The following OSBPL10 variants were observed in gnomAD, a reference collection of about 807,000 sequenced individuals.
OSBPL10 encodes the protein oxysterol binding protein like 10.
In OSBPL10, 49 loss-of-function variants were observed where a neutral mutation model predicts 81.7. The ratio of observed to expected loss-of-function variants is 0.60; its 90% CI spans 0.48 to 0.76. OSBPL10 has a LOEUF of 0.76. Among genes scored for constraint, OSBPL10 ranks in the 30% least tolerant of loss-of-function variants. The pLI, the probability that OSBPL10 is intolerant of heterozygous loss-of-function variation, is 0.00. For synonymous variants in OSBPL10, 419 were observed against 383.6 expected, an observed-to-expected ratio of 1.09 and a Z score of -1.08; for missense variants, 923 against 987.8, an observed-to-expected ratio of 0.93 and a Z score of 0.88.
At chr3:31,893,878 A>T (rs536548393) in intron 1 of OSBPL10, among the ~76,000 whole-genome samples, 1 of 152,332 alleles carries the variant, frequency 6.6e-6, no homozygotes, top group South Asian at 2.1e-4. Context: ...GCTTACAGGG[A>T]TTATTTTATT....
chr3:31,886,977 T>A (rs1365572063), intron 1 of OSBPL10, among the ~76,000 whole-genome samples: 2 of 151,238 alleles, frequency 1.3e-5, no homozygotes, highest in African/African-American at 4.9e-5. Flanking sequence ...GTGGGATAGT[T>A]ACTACCTGAC....
At chr3:31,694,743 T>TTTTG (rs541190252) in intron 7 of OSBPL10, among the ~76,000 whole-genome samples, 6 of 152,138 alleles carry the variant, frequency 3.9e-5, no homozygotes, top group South Asian at 2.1e-4. Context: ...AGCATAAATC[T>TTTTG]TTTGTTTGTT....
intron 4 of OSBPL10, among the ~76,000 whole-genome samples, chr3:31,810,509 TA>T (rs1699652226): frequency 1.3e-5 from 2 of 151,890 alleles, no homozygotes; most frequent in Non-Finnish European, 2.9e-5. Context: ...TTAACACAGC[TA>T]AAAACATCCC....
At chr3:31,852,390 A>C (rs1463355163) in intron 3 of OSBPL10, among the ~76,000 whole-genome samples, 2 of 152,096 alleles carry the variant, frequency 1.3e-5, no homozygotes, top group African/African-American at 4.8e-5. Context: ...CAACCGCTTC[A>C]CAACAACTAT....
At chr3:31,868,939 A>C (rs1195963282) in intron 3 of OSBPL10, among the ~76,000 whole-genome samples, 3 of 152,192 alleles carry the variant, frequency 2.0e-5, no homozygotes, top group Admixed American at 2.0e-4. Flanking sequence ...TGAAAATAAT[A>C]AGGCCTATCT....
At chr3:31,856,966 C>CTTGGGAGACTGAG (rs1381235425) in intron 3 of OSBPL10, among the ~76,000 whole-genome samples, 96 of 152,266 alleles carry the variant, frequency 6.3e-4, no homozygotes, top group African/African-American at 2.3e-3. Context: ...TTCCCAGCTA[C>CTTGGGAGACTGAG]GTGGGTGAAT....
At chr3:31,919,911 GTGT>G (rs374191216) in intron 1 of OSBPL10, among the ~76,000 whole-genome samples, 8 of 152,278 alleles carry the variant, frequency 5.3e-5, no homozygotes, top group African/African-American at 1.4e-4. Context: ...AAACATGGAC[GTGT>G]TGTTAAGATA....
intron 7 of OSBPL10, among the ~76,000 whole-genome samples, chr3:31,693,298 A>G (rs905414847): frequency 1.3e-5 from 2 of 152,208 alleles, no homozygotes; most frequent in Non-Finnish European, 2.9e-5. Context: ...ATCTTTGCAT[A>G]TTGTGATTGA....
intron 8 of OSBPL10, among the ~76,000 whole-genome samples, chr3:31,675,631 T>A (rs1700448417): frequency 6.6e-6 from 1 of 152,116 alleles, no homozygotes; most frequent in Non-Finnish European, 1.5e-5. Flanking sequence ...TCTCGATGGG[T>A]ATCACCAACT....
At chr3:31,945,277 G>T (rs1030986105) in intron 1 of OSBPL10, among the ~76,000 whole-genome samples, 4 of 151,786 alleles carry the variant, frequency 2.6e-5, no homozygotes, top group African/African-American at 9.7e-5. Context: ...TCAAATTCCT[G>T]CCACTAGGAC....
chr3:31,671,203 CAG>C (rs1700315447), intron 8 of OSBPL10, among the ~76,000 whole-genome samples: 1 of 152,144 alleles, frequency 6.6e-6, no homozygotes, highest in African/African-American at 2.4e-5. Context: ...CCTCAGAAAG[CAG>C]AAGAGAAAGG....
chr3:31,984,751 G>T (rs759795316), upstream of OSBPL10, among the ~76,000 whole-genome samples: 5 of 152,146 alleles, frequency 3.3e-5, no homozygotes, highest in African/African-American at 1.2e-4. Context: ...AAACAAGGAG[G>T]GAATAGTTTT....
intron 10 of OSBPL10, 151 bp from the exon 11 acceptor site, chr3:31,664,383 C>T (rs1700140534): frequency 2.8e-6 from 2 of 708,176 alleles, no homozygotes; most frequent in Non-Finnish European, 4.6e-6. Context: ...ACCCCGAGAG[C>T]CTAGATTTGA....
intron 4 of OSBPL10, among the ~76,000 whole-genome samples, chr3:31,785,520 A>G (rs1438806786): frequency 1.3e-5 from 2 of 152,162 alleles, no homozygotes; most frequent in African/African-American, 4.8e-5. Flanking sequence ...AGTAAGCCCC[A>G]AGGCCTACTT....
intron 1 of OSBPL10, among the ~76,000 whole-genome samples, chr3:31,889,401 G>A (rs758734046): frequency 2.0e-5 from 3 of 152,122 alleles, no homozygotes; most frequent in African/African-American, 7.2e-5. Flanking sequence ...ATCAAGCTGG[G>A]TGTCCAACAA....
At chr3:31,953,470 T>C (rs4637318) in intron 1 of OSBPL10, among the ~76,000 whole-genome samples, 51,057 of 151,732 alleles carry the variant, frequency 0.34, 9,299 homozygotes, top group African/African-American at 0.48. Context: ...TGCAGTGGCT[T>C]GATCACAGCT....
At chr3:31,963,523 G>A (rs1277662668) in intron 1 of OSBPL10, among the ~76,000 whole-genome samples, 1 of 152,024 alleles carries the variant, frequency 6.6e-6, no homozygotes, top group African/African-American at 2.4e-5. Context: ...ATGATTTGAA[G>A]GCTCACTCTT....
Position 31,662,041 on chromosome 3 carries a change from C to T in OSBPL10, c.*31G>A, listed in dbSNP as rs764401600. The T allele has an allele frequency of 3.1e-6, 5 of 1,611,548 alleles. No individual in the cohort carries two copies. The South Asian group carries it at 3.3e-5, about 11-fold the overall frequency. On this transcript the variant is annotated 3_prime_UTR_variant, in exon 12 of 12. Transcript: ENST00000396556. ...CTTTAATATTCCTACAAAAACAGGG[C>T]TATACTGGAAAGCTCTGCACCTCCA... is the stretch of plus-strand genomic sequence containing the variant.
chr3:31,799,802 T>C (rs1699332373), intron 4 of OSBPL10, among the ~76,000 whole-genome samples: 2 of 152,156 alleles, frequency 1.3e-5, no homozygotes, highest in African/African-American at 4.8e-5. Flanking sequence ...TCAACCCTCT[T>C]AACAAATTTT....
Sources: gnomAD v4.1 joint callset for allele counts (sites outside exome capture counted in the v4.1 genomes callset) on GRCh38, gnomAD v4.1.1 for gene constraint, MANE v1.5 for transcripts, NCBI Gene and HGNC (gene_info 2026-07-23, HGNC 2026-07-21) for gene names.